CADPS2: variants seen among roughly 807,000 people sequenced by gnomAD.
CADPS2 encodes the protein calcium dependent secretion activator 2.
Under a neutral mutation model 172.5 loss-of-function variants are expected in CADPS2, and 93 were observed. The ratio of observed to expected loss-of-function variants is 0.54; its 90% confidence interval spans 0.46 to 0.64. The LOEUF is 0.64. Among genes scored for constraint, CADPS2 ranks in the 30% least tolerant of loss-of-function variants. CADPS2 has a pLI of 0.00. For synonymous variants in CADPS2, 546 were observed against 555.2 expected, an observed-to-expected ratio of 0.98 and a Z score of 0.23; for missense variants, 1,420 against 1,565.9, an observed-to-expected ratio of 0.91 and a Z score of 1.57.
intron 11 of CADPS2, among the ~76,000 whole-genome samples, chr7:122,485,219 C>T (rs1256450862): frequency 6.6e-6 from 1 of 152,208 alleles, no homozygotes; most frequent in Non-Finnish European, 1.5e-5. Flanking sequence ...ATCTCCCTCA[C>T]TTTAAATTAA....
At chr7:122,478,204 A>G (rs1010746684) in intron 12 of CADPS2, among the ~76,000 whole-genome samples, 2 of 152,228 alleles carry the variant, frequency 1.3e-5, no homozygotes, top group African/African-American at 4.8e-5. Context: ...ACTATAACAC[A>G]ACATTATGGT....
chr7:122,511,173 T>C (rs918889378), intron 9 of CADPS2, among the ~76,000 whole-genome samples: 2 of 152,254 alleles, frequency 1.3e-5, no homozygotes, highest in East Asian at 3.9e-4. Flanking sequence ...TTTTAAGATA[T>C]AAAGCATATG....
At chr7:122,674,386 T>C (rs2082192442) in intron 2 of CADPS2, among the ~76,000 whole-genome samples, 1 of 152,186 alleles carries the variant, frequency 6.6e-6, no homozygotes, top group African/African-American at 2.4e-5. Flanking sequence ...CACCTTTCAC[T>C]ATGTATGTCA....
intron 1 of CADPS2, among the ~76,000 whole-genome samples, chr7:122,873,146 T>TA (rs1183439864): frequency 2.6e-5 from 4 of 152,122 alleles, no homozygotes; most frequent in Non-Finnish European, 2.9e-5. Context: ...CAGATATATA[T>TA]TTTTTAAATG....
chr7:122,628,319 T>G (rs2076270811), intron 4 of CADPS2, among the ~76,000 whole-genome samples: 1 of 152,126 alleles, frequency 6.6e-6, no homozygotes, highest in African/African-American at 2.4e-5. Context: ...GGATATAACT[T>G]CTTGAATGCT....
At chr7:122,768,994 C>T (rs1008596231) in intron 1 of CADPS2, among the ~76,000 whole-genome samples, 1 of 151,074 alleles carries the variant, frequency 6.6e-6, no homozygotes, top group Non-Finnish European at 1.5e-5. Context: ...GCTGTCAGAT[C>T]TATATTTCTA....
At chr7:122,820,440 C>T (rs954166135) in intron 1 of CADPS2, among the ~76,000 whole-genome samples, 9 of 151,850 alleles carry the variant, frequency 5.9e-5, no homozygotes, top group African/African-American at 1.9e-4. Context: ...TACAAAACAA[C>T]AACTCCTTTC....
chr7:122,869,803 A>C (rs929925000), intron 1 of CADPS2, among the ~76,000 whole-genome samples: 2 of 152,130 alleles, frequency 1.3e-5, no homozygotes, highest in African/African-American at 4.8e-5. Flanking sequence ...AAGATACAAA[A>C]TATGTCATGA....
At chr7:122,480,470 C>A (rs1235843933) in intron 12 of CADPS2, among the ~76,000 whole-genome samples, 1 of 152,002 alleles carries the variant, frequency 6.6e-6, no homozygotes, top group Non-Finnish European at 1.5e-5. Context: ...TAAAACATAT[C>A]CACTGAATAT....
intron 1 of CADPS2, among the ~76,000 whole-genome samples, chr7:122,766,220 A>AC (rs892737707): frequency 2.0e-5 from 3 of 151,976 alleles, no homozygotes; most frequent in Non-Finnish European, 4.4e-5. Context: ...TGAGGAATCC[A>AC]CCCCCATGGA....
intron 1 of CADPS2, among the ~76,000 whole-genome samples, chr7:122,790,210 A>C (rs1794984655): frequency 6.6e-6 from 1 of 151,914 alleles, no homozygotes; most frequent in Non-Finnish European, 1.5e-5. Context: ...CAGCCTGGGC[A>C]ACAAAAGGAG....
At chr7:122,578,807 CTT>C (rs1319881689) in intron 7 of CADPS2, among the ~76,000 whole-genome samples, 3 of 152,050 alleles carry the variant, frequency 2.0e-5, no homozygotes, top group East Asian at 1.9e-4. Context: ...TAAACAGACT[CTT>C]TATGTGAAAT....
intron 8 of CADPS2, among the ~76,000 whole-genome samples, chr7:122,521,257 C>G (rs2060765473): frequency 6.6e-6 from 1 of 152,082 alleles, no homozygotes; most frequent in South Asian, 2.1e-4. Flanking sequence ...TCGGTTCATT[C>G]TCAAACACCT....
At chr7:122,683,786 G>C (rs537042955) in intron 2 of CADPS2, among the ~76,000 whole-genome samples, 42 of 151,838 alleles carry the variant, frequency 2.8e-4, no homozygotes, top group Non-Finnish European at 5.0e-4. Context: ...GCTGCTGTCT[G>C]TGTGGAGTTT....
chr7:122,508,444 TTTAAG>T (rs1398469691), intron 9 of CADPS2, among the ~76,000 whole-genome samples: 15 of 147,594 alleles, frequency 1.0e-4, no homozygotes, highest in African/African-American at 3.7e-4. Context: ...TATTTATTCA[TTTAAG>T]TTTTTTTTTT....
At chr7:122,670,740 A>ACCTGCC (rs2081743006) in intron 2 of CADPS2, among the ~76,000 whole-genome samples, 1 of 151,564 alleles carries the variant, frequency 6.6e-6, no homozygotes, top group East Asian at 2.0e-4. Flanking sequence ...ACCTCAAGTG[A>ACCTGCC]TCCACCTGCC....
chr7:122,458,646 T>C (rs193138518), intron 14 of CADPS2, among the ~76,000 whole-genome samples: 2 of 152,326 alleles, frequency 1.3e-5, no homozygotes, highest in African/African-American at 2.4e-5. Context: ...AAAGGGTAGA[T>C]ACCACTATGG....
intron 2 of CADPS2, among the ~76,000 whole-genome samples, chr7:122,695,888 A>G (rs1378168779): frequency 6.6e-6 from 1 of 152,220 alleles, no homozygotes; most frequent in African/African-American, 2.4e-5. Context: ...AGGGAGAATG[A>G]AAAACACAAT....
intron 2 of CADPS2, among the ~76,000 whole-genome samples, chr7:122,732,154 T>C (rs1466716286): frequency 6.6e-6 from 1 of 151,628 alleles, no homozygotes; most frequent in African/African-American, 2.4e-5. Context: ...CAAAAAGATC[T>C]AATCCTGGAA....
Sources: allele counts gnomAD v4.1 joint callset (sites outside exome capture counted in the v4.1 genomes callset), GRCh38; gene constraint gnomAD v4.1.1; transcripts MANE v1.5; gene names NCBI Gene and HGNC (gene_info 2026-07-23, HGNC 2026-07-21).